GOT1: variants seen among roughly 807,000 people sequenced by gnomAD.
The protein encoded by GOT1 is aspartate aminotransferase, cytoplasmic.
GOT1 carries 25 observed loss-of-function variants against 48.2 expected under a neutral mutation model. That is an observed-to-expected ratio of 0.52 (90% CI 0.38 to 0.72). GOT1 has a LOEUF of 0.72. Ranked by LOEUF, GOT1 falls within the 30% of genes least tolerant of loss-of-function variation. GOT1 has a pLI of 0.00. For missense variants in GOT1, 380 were observed against 520.1 expected (o/e 0.73, Z 2.62); for synonymous variants, 188 against 193.8 (o/e 0.97, Z 0.25).
intron 2 of GOT1, among the ~76,000 whole-genome samples, chr10:99,411,482 T>C (rs1470461368): frequency 1.3e-5 from 2 of 152,240 alleles, no homozygotes; most frequent in Non-Finnish European, 2.9e-5. Context: ...CATTCTTTCA[T>C]TTATGTCTCG....
At chr10:99,402,480 G>T in intron 8 of GOT1, 100 bp downstream of exon 8, 1 of 1,306,980 alleles carries the variant, frequency 7.7e-7, no homozygotes, top group Non-Finnish European at 1.1e-6. Context: ...GCCCAATTAG[G>T]CAAAGGCTGT....
At chr10:99,402,077 G>A (rs2032687555) in intron 8 of GOT1, among the ~76,000 whole-genome samples, 1 of 152,016 alleles carries the variant, frequency 6.6e-6, no homozygotes, top group Non-Finnish European at 1.5e-5. Flanking sequence ...CAAAGTGTTG[G>A]GATTACAGGT....
chr10:99,408,500 T>C (rs990918404), intron 2 of GOT1, among the ~76,000 whole-genome samples: 1 of 152,192 alleles, frequency 6.6e-6, no homozygotes, highest in Non-Finnish European at 1.5e-5. Context: ...GTGGATCACT[T>C]GAGCCCAGGA....
At chr10:99,400,666 CA>C (rs1315547081) in intron 8 of GOT1, among the ~76,000 whole-genome samples, 25 of 150,206 alleles carry the variant, frequency 1.7e-4, no homozygotes, top group African/African-American at 5.9e-4. Flanking sequence ...AAAGGCCAGG[CA>C]CAGTGGCTCA....
At position 99,420,752 on chromosome 10, in the gene GOT1, C is replaced by G. The variant is rs376034578; in HGVS notation, c.172G>C (p.Glu58Gln). 5.2e-5 allele frequency: 84 copies of G among 1,613,906 alleles called. No individual in the cohort carries two copies. The highest frequency in any genetic ancestry group is 6.9e-5 in the Non-Finnish European group (82 of 1,179,942). ...PWVLPVVKKV[E>Q]QKIANDNSLN... The stretch of plus-strand genomic sequence containing the variant: ...CTATTGTCATTAGCAATCTTCTGCT[C>G]CACTTTCTTCACTACTGGCAAAACC... The change falls in exon 2 of 9, where the codon GAG (glutamate) becomes CAG (glutamine). Residue 58 changes from glutamate (E) to glutamine (Q), a missense_variant. Transcript: ENST00000370508.
At chr10:99,428,719 C>G (rs541003989) in intron 1 of GOT1, among the ~76,000 whole-genome samples, 6 of 152,168 alleles carry the variant, frequency 3.9e-5, no homozygotes, top group Non-Finnish European at 5.9e-5. Flanking sequence ...TTGTATACAT[C>G]CCGCTGCAAA....
chr10:99,420,876 A>T (rs1419168070), intron 1 of GOT1, 71 bp from the exon 2 acceptor site: 2 of 1,226,808 alleles, frequency 1.6e-6, no homozygotes. Context: ...TGTAACTGTG[A>T]ACCAGGAGAA....
chr10:99,410,537 C>T (rs1035281554), intron 2 of GOT1, among the ~76,000 whole-genome samples: 4 of 152,218 alleles, frequency 2.6e-5, no homozygotes, highest in African/African-American at 9.7e-5. Flanking sequence ...GATAAACCCA[C>T]TCCACATTAA....
In GOT1 at chr10:99,419,517, C is replaced by T. The variant is rs192930452; in HGVS notation, c.300+1107G>A. On this transcript the variant is annotated intron_variant, in intron 2 of 8. Coordinates refer to ENST00000370508, the MANE Select transcript of GOT1 (RefSeq NM_002079.3). ...CTTGCCTCTGTCCCTGGACTCCTAC[C>T]ATGCAAGATGAATATCCTTCCTCTT... 3.6e-4 allele frequency among the ~76,000 whole-genome samples: 55 copies of T among 152,278 alleles called. 1 individual carries two copies. The East Asian group carries it at 6.2e-3, about 17-fold the overall frequency.
chr10:99,414,639 T>C (rs2032870929), intron 2 of GOT1, among the ~76,000 whole-genome samples: 2 of 152,118 alleles, frequency 1.3e-5, no homozygotes, highest in Non-Finnish European at 2.9e-5. Context: ...AGAATATACA[T>C]TCTTCTCAGC....
At chr10:99,421,742 C>G (rs149136332) in intron 1 of GOT1, among the ~76,000 whole-genome samples, 7 of 152,204 alleles carry the variant, frequency 4.6e-5, no homozygotes, top group African/African-American at 1.4e-4. Context: ...GGTCATTTGC[C>G]TCTCTGTTTG....
chr10:99,422,134 G>A (rs1035857396), intron 1 of GOT1, among the ~76,000 whole-genome samples: 1 of 152,180 alleles, frequency 6.6e-6, no homozygotes, highest in Non-Finnish European at 1.5e-5. Context: ...CTGCCTTGCT[G>A]TTCTTGTGAC....
intron 5 of GOT1, 37 bp downstream of exon 5, chr10:99,405,719 T>C (rs1376598960): frequency 1.1e-6 from 1 of 941,206 alleles, no homozygotes; most frequent in Non-Finnish European, 1.8e-6. Context: ...TAAGAATATA[T>C]ACTATTTTTT....
Position 99,402,702 on chromosome 10 carries a change from A to G in GOT1, c.980T>C (p.Met327Thr). 1.9e-6 allele frequency: 3 copies of G among 1,613,708 alleles called. No individual in the cohort carries two copies. The highest frequency in any genetic ancestry group is 2.5e-6 in the Non-Finnish European group (3 of 1,179,732). The stretch of plus-strand genomic sequence containing the variant: ...TCTCATGGTCAGAATCCGGTCAGCC[A>G]TTGTCTTCACATTACCTGTCCTGAA... ...FEEWTGNVKT[M>T]ADRILTMRSE... The change falls in exon 8 of 9, where the codon ATG becomes ACG. Residue 327 changes from methionine (M) to threonine (T), a missense_variant. By Grantham distance (81) the Met-to-Thr change is moderately conservative (BLOSUM62 -1). Transcript: ENST00000370508.
intron 1 of GOT1, among the ~76,000 whole-genome samples, chr10:99,422,309 G>A (rs1211457924): frequency 6.6e-6 from 1 of 152,152 alleles, no homozygotes; most frequent in Non-Finnish European, 1.5e-5. Context: ...TATGGCCGGT[G>A]GAACTATGAG....
chr10:99,410,638 G>A (rs1294510633), intron 2 of GOT1, among the ~76,000 whole-genome samples: 1 of 152,160 alleles, frequency 6.6e-6, no homozygotes, highest in Non-Finnish European at 1.5e-5. Flanking sequence ...AATACTGGAT[G>A]GCTTCAGTGA....
chr10:99,418,699 T>C (rs1276847661), intron 2 of GOT1, among the ~76,000 whole-genome samples: 1 of 151,984 alleles, frequency 6.6e-6, no homozygotes, highest in Non-Finnish European at 1.5e-5. Context: ...AACGGGTTTT[T>C]GCCATGTTAC....
At chr10:99,430,170 G>A in intron 1 of GOT1, 1 of 773,304 alleles carries the variant, frequency 1.3e-6, no homozygotes, top group South Asian at 1.4e-5. Context: ...GCAGTATAAA[G>A]AAGGCAGAAT....
intron 2 of GOT1, among the ~76,000 whole-genome samples, chr10:99,410,068 G>A (rs776148665): frequency 3.4e-4 from 52 of 152,218 alleles, no homozygotes; most frequent in Non-Finnish European, 6.8e-4. Context: ...TGCTCAGTGT[G>A]TGTCAGATTT....
Sources: allele counts gnomAD v4.1 joint callset (sites outside exome capture counted in the v4.1 genomes callset), GRCh38; gene constraint gnomAD v4.1.1; transcripts MANE v1.5; gene names NCBI Gene and HGNC (gene_info 2026-07-23, HGNC 2026-07-21).